Variants in WDR48 observed in about 807,000 individuals in gnomAD.
The protein encoded by WDR48 is WD repeat domain 48, also known as WD repeat-containing protein 48.
A neutral mutation model predicts 94.0 loss-of-function variants in WDR48; 22 were observed. That is an observed-to-expected ratio of 0.23 (90% CI 0.17 to 0.33). The LOEUF (loss-of-function observed/expected upper bound fraction) is 0.33, where lower values mean the gene tolerates loss of function less well. Ranked by LOEUF, WDR48 falls within the 10% of genes least tolerant of loss-of-function variation. WDR48 has a pLI of 1.00. For synonymous variants in WDR48, 278 were observed against 280.5 expected (o/e 0.99, Z 0.09); for missense variants, 541 against 813.8 (o/e 0.66, Z 4.08).
At chr3:39,089,117 A>G (rs560794264) in intron 15 of WDR48, 114 bp from the exon 16 acceptor site, 2 of 862,800 alleles carry the variant, frequency 2.3e-6, no homozygotes, top group South Asian at 1.8e-5. Flanking sequence ...TCAGCTGTCA[A>G]GTGGGGGTTA....
At chr3:39,083,812 G>T (rs963481053) in intron 11 of WDR48, among the ~76,000 whole-genome samples, 2 of 152,156 alleles carry the variant, frequency 1.3e-5, no homozygotes, top group African/African-American at 4.8e-5. Context: ...GAGCATCAAG[G>T]AACAATGGGA....
chr3:39,087,670 ATTGTGGACTCCTTGAGG>A (rs1172942847), intron 14 of WDR48: 1 of 159,564 alleles, frequency 6.3e-6, no homozygotes, highest in African/African-American at 2.4e-5. Context: ...TAAAAGCAAA[ATTGTGGACTCCTTGAGG>A]ATTTTTTCAC....
chr3:39,083,861 G>A (rs1340600361), intron 11 of WDR48, among the ~76,000 whole-genome samples: 2 of 152,186 alleles, frequency 1.3e-5, no homozygotes, highest in African/African-American at 2.4e-5. Context: ...GAAGATGGCC[G>A]ACAACTGGGA....
At chr3:39,063,741 G>A (rs1041126129) in intron 2 of WDR48, among the ~76,000 whole-genome samples, 1 of 151,802 alleles carries the variant, frequency 6.6e-6, no homozygotes, top group Non-Finnish European at 1.5e-5. Context: ...CCAGGAGTTC[G>A]AGACCAGCCT....
chr3:39,060,579 A>T (rs12638946), intron 1 of WDR48, among the ~76,000 whole-genome samples: 1 of 152,172 alleles, frequency 6.6e-6, no homozygotes, highest in African/African-American at 2.4e-5. Context: ...ATTTGGCCAG[A>T]TCACCATTGC....
intron 11 of WDR48, among the ~76,000 whole-genome samples, chr3:39,082,950 G>C (rs2034613848): frequency 6.6e-6 from 1 of 152,164 alleles, no homozygotes; most frequent in Non-Finnish European, 1.5e-5. Context: ...AGGGATGTTG[G>C]GAAAAGAGGA....
At chr3:39,078,802 G>A (rs1011369025) in intron 10 of WDR48, among the ~76,000 whole-genome samples, 2 of 151,530 alleles carry the variant, frequency 1.3e-5, no homozygotes, top group Non-Finnish European at 2.9e-5. Flanking sequence ...AGGCCAAGGC[G>A]GGCGGATCAC....
chr3:39,092,775 G>A (rs1290009608), intron 17 of WDR48, among the ~76,000 whole-genome samples: 1 of 151,938 alleles, frequency 6.6e-6, no homozygotes, highest in Non-Finnish European at 1.5e-5. Flanking sequence ...AGAAGCTAGT[G>A]AGCCCCCATC....
chr3:39,069,916 A>G (rs569879859), intron 7 of WDR48, among the ~76,000 whole-genome samples, 172 bp downstream of exon 7: 106 of 152,368 alleles, frequency 7.0e-4, no homozygotes, highest in African/African-American at 2.4e-3. Flanking sequence ...AAACTATTCT[A>G]TTTGCATCAC....
Position 39,069,667 on chromosome 3 carries a change from A to C in WDR48, c.595A>C (p.Thr199Pro), listed in dbSNP as rs750279184. ...GGTGTTACGGGTATGGGATCCAAGAACATGTGCAAAACTAATGAAGCTTAA... is the reference window on the plus strand; with the variant it reads ...GGTGTTACGGGTATGGGATCCAAGACCATGTGCAAAACTAATGAAGCTTAA... ...EKVLRVWDPRTCAKLMKLKGH... is the reference protein window; with the variant it reads ...EKVLRVWDPRPCAKLMKLKGH... Residue 199 changes from threonine to proline, a missense_variant, in exon 7 of 19, where the codon ACA becomes CCA. Thr to Pro is a conservative substitution (Grantham distance 38). Around this residue, in one of 5 missense-constraint regions of WDR48, gnomAD observed 104 missense variants for 189.7 expected, o/e 0.55. Transcript: ENST00000302313. 1.9e-6 allele frequency: 3 copies of C among 1,613,652 alleles called. No individual in the cohort carries two copies. The highest frequency in any genetic ancestry group is 2.5e-6 in the Non-Finnish European group (3 of 1,179,644).
At chr3:39,083,893 T>A (rs2034662211) in intron 11 of WDR48, among the ~76,000 whole-genome samples, 1 of 152,202 alleles carries the variant, frequency 6.6e-6, no homozygotes, top group African/African-American at 2.4e-5. Flanking sequence ...GCCACGTTGC[T>A]GTTAAGATGA....
At chr3:39,052,230 C>A (rs1575378225) in intron 1 of WDR48, 157 bp downstream of exon 1, 4 of 835,030 alleles carry the variant, frequency 4.8e-6, no homozygotes, top group South Asian at 3.7e-5. Flanking sequence ...GCGGCGCTAA[C>A]GGCTTGAGGA....
rs1243229420 is a variant in WDR48 at position 39,096,555 on chromosome 3, C to T, written c.*1812C>T. The T allele has an allele frequency of 6.6e-6, 1 of 152,168 alleles. No homozygotes were observed. Among genetic ancestry groups the T allele is most frequent in the Non-Finnish European group, 1.5e-5 (1 of 68,048 alleles). The allele number at this position is 152,168 out of a possible 1,614,324, so 9.4% of individuals were successfully genotyped here. A position where few individuals can be genotyped will look rare whatever the true frequency, so the allele number is the denominator to read the frequency against. ...CCCCAGCATGATTGTATTTCTTTCC[C>T]CTCCAGTCAAACCGTAATACAGTTT... is the stretch of plus-strand genomic sequence containing the variant. On this transcript the variant is annotated 3_prime_UTR_variant, in exon 19 of 19. Coordinates refer to ENST00000302313, the MANE Select transcript of WDR48 (RefSeq NM_020839.4).
intron 8 of WDR48, among the ~76,000 whole-genome samples, chr3:39,075,502 C>T (rs2034175816): frequency 6.6e-6 from 1 of 152,078 alleles, no homozygotes; most frequent in Non-Finnish European, 1.5e-5. Context: ...TCCAAACCAC[C>T]ACTGCCTCAG....
At chr3:39,069,555 G>A in intron 6 of WDR48, 88 bp from the exon 7 acceptor site, 1 of 1,159,218 alleles carries the variant, frequency 8.6e-7, no homozygotes, top group Non-Finnish European at 1.2e-6. Flanking sequence ...AGAATATAAT[G>A]GTTATCATTT....
intron 1 of WDR48, among the ~76,000 whole-genome samples, chr3:39,056,058 T>C (rs974776198): frequency 1.3e-5 from 2 of 152,240 alleles, no homozygotes; most frequent in Non-Finnish European, 2.9e-5. Context: ...CTCTGTACTT[T>C]AATGGATGCA....
chr3:39,070,327 A>G (rs112105601), intron 7 of WDR48, among the ~76,000 whole-genome samples: 1,773 of 152,316 alleles, frequency 0.012, 33 homozygotes, highest in African/African-American at 0.04. Context: ...ACTGAGCATC[A>G]TTTTATGGGT....
intron 7 of WDR48, among the ~76,000 whole-genome samples, chr3:39,072,291 C>T (rs970275886): frequency 1.3e-5 from 2 of 152,212 alleles, no homozygotes; most frequent in Non-Finnish European, 2.9e-5. Context: ...ATTCCTTTTA[C>T]TTAGGCAATT....
chr3:39,093,404 G>A (rs191785872), intron 17 of WDR48, among the ~76,000 whole-genome samples: 158 of 152,254 alleles, frequency 1.0e-3, no homozygotes, highest in African/African-American at 3.5e-3. Flanking sequence ...TCACTCTGTC[G>A]CCCAGGCTAG....
Sources: allele counts gnomAD v4.1 joint callset (sites outside exome capture counted in the v4.1 genomes callset), GRCh38; gene constraint gnomAD v4.1.1; regional missense constraint gnomAD v4.1.1; transcripts MANE v1.5; gene names NCBI Gene and HGNC (gene_info 2026-07-23, HGNC 2026-07-21).